The following ETV1 variants were observed in gnomAD, a reference collection of about 807,000 sequenced individuals.
The protein encoded by ETV1 is ETS variant transcription factor 1.
ETV1 carries 27 observed loss-of-function variants against 62.3 expected under a neutral mutation model. That is an observed-to-expected ratio of 0.43 (90% CI 0.32 to 0.60). The LOEUF (loss-of-function observed/expected upper bound fraction) is 0.60. Ranked by LOEUF, ETV1 falls within the 20% of genes least tolerant of loss-of-function variation. ETV1 has a pLI of 0.06. For missense variants in ETV1, 605 were observed against 605.8 expected (o/e 1.00, Z 0.01); for synonymous variants, 222 against 199.6 (o/e 1.11, Z -0.94).
intron 9 of ETV1, 112 bp from the exon 10 acceptor site, chr7:13,911,419 G>C: frequency 1.4e-6 from 1 of 690,776 alleles, no homozygotes; most frequent in Non-Finnish European, 2.6e-6. Context: ...GTTCCAATGT[G>C]GGGAACATGT....
intron 8 of ETV1, among the ~76,000 whole-genome samples, chr7:13,934,410 C>T (rs1376930790): frequency 6.6e-6 from 1 of 152,210 alleles, no homozygotes; most frequent in African/African-American, 2.4e-5. Context: ...ATAAAAAGCA[C>T]ATTTGAGTGC....
intron 5 of ETV1, chr7:13,986,315 A>C (rs943760622): frequency 8.7e-6 from 13 of 1,502,774 alleles, no homozygotes; most frequent in Admixed American, 2.8e-5. Context: ...CTGGAGGTAC[A>C]ATAATATAAA....
At chr7:13,903,460 C>G (rs190683424) in intron 12 of ETV1, among the ~76,000 whole-genome samples, 62 of 152,098 alleles carry the variant, frequency 4.1e-4, no homozygotes, top group Admixed American at 3.1e-3. Context: ...AGACGACTTT[C>G]TATGTTAATA....
intron 5 of ETV1, among the ~76,000 whole-genome samples, chr7:13,979,260 T>C (rs1781749855): frequency 6.6e-6 from 1 of 152,040 alleles, no homozygotes; most frequent in African/African-American, 2.4e-5. Context: ...ACTCAAGAAA[T>C]GTTCCTTATT....
chr7:13,935,243 C>CA (rs1786671232), intron 8 of ETV1, among the ~76,000 whole-genome samples: 1 of 152,068 alleles, frequency 6.6e-6, no homozygotes, highest in Non-Finnish European at 1.5e-5. Flanking sequence ...AAAAGATGGT[C>CA]AACAGTTTTA....
At chr7:13,940,509 AAAT>A (rs1409939415) in intron 6 of ETV1, among the ~76,000 whole-genome samples, 5 of 152,184 alleles carry the variant, frequency 3.3e-5, no homozygotes, top group Non-Finnish European at 7.3e-5. Flanking sequence ...AAAAAGGAAA[AAAT>A]AATCATAAGA....
chr7:13,935,161 T>C (rs116276906), intron 8 of ETV1, among the ~76,000 whole-genome samples: 132 of 152,324 alleles, frequency 8.7e-4, no homozygotes, highest in African/African-American at 3.1e-3. Flanking sequence ...TAATTGAGTC[T>C]CTATCTCTTT....
chr7:13,954,003 A>G (rs926681146), intron 6 of ETV1, among the ~76,000 whole-genome samples: 10 of 152,186 alleles, frequency 6.6e-5, no homozygotes, highest in African/African-American at 2.4e-4. Context: ...TACATTAGTT[A>G]TTTTATCAAT....
chr7:13,897,505 T>C (rs1781969086), intron 13 of ETV1, among the ~76,000 whole-genome samples: 1 of 152,166 alleles, frequency 6.6e-6, no homozygotes, highest in African/African-American at 2.4e-5. Context: ...AATGAACATT[T>C]AGTAGTTTTT....
chr7:13,935,699 G>A lies in ETV1; in HGVS notation c.554+9C>T, dbSNP rs1415629058. On this transcript the variant is annotated intron_variant, in intron 8 of 13. Coordinates refer to ENST00000430479, the MANE Select transcript of ETV1 (RefSeq NM_004956.5). ...AACAGTTTCTAGAAAACTGGTATCT[G>A]CAGGTTACCTGTGGTCCATGGGGTA... 16 of 1,610,420 alleles carry A rather than the reference G, an allele frequency of 9.9e-6. No homozygotes were observed. Among genetic ancestry groups the A allele is most frequent in the South Asian group, 1.1e-5 (1 of 90,704 alleles).
chr7:13,901,005 CT>C (rs71974939), intron 12 of ETV1, among the ~76,000 whole-genome samples, 166 bp from the exon 13 acceptor site: 92,650 of 132,126 alleles, frequency 0.7, 31,424 homozygotes, highest in African/African-American at 0.81. Context: ...TCCTGGTTTG[CT>C]TTTTTTTTTT....
In ETV1 at chr7:13,980,645, G is replaced by GT. The variant is rs144397193; in HGVS notation, c.182-3166dup. On this transcript the variant is annotated intron_variant, in intron 5 of 13. Transcript: ENST00000430479. ...GAGATTAAGCATGTGGATTTTATTG[G>GT]TAATAGCTGGAGCGGCTCTATCAGT... Among the ~76,000 whole-genome samples, 397 of 152,202 alleles carry GT rather than the reference G, an allele frequency of 2.6e-3. 2 individuals carry two copies. The highest frequency in any genetic ancestry group is 8.8e-3 in the African/African-American group (366 of 41,556).
intron 6 of ETV1, among the ~76,000 whole-genome samples, chr7:13,969,248 G>C (rs1045928377): frequency 6.6e-6 from 1 of 152,116 alleles, no homozygotes; most frequent in Non-Finnish European, 1.5e-5. Context: ...AGCTAAAATA[G>C]AGAATAATCT....
rs1401494582 is a variant in ETV1 at position 13,935,786 on chromosome 7, G to A, written c.476C>T (p.Pro159Leu). 5.6e-6 allele frequency: 9 copies of A among 1,613,774 alleles called. No individual in the cohort carries two copies. The highest frequency in any genetic ancestry group is 5.1e-6 in the Non-Finnish European group (6 of 1,179,884). Reference protein sequence around the residue: ...HHASPNSTHTPKPDRAFPAHL... With the variant: ...HHASPNSTHTLKPDRAFPAHL... ...AGCTGGGAAGGCCCGGTCAGGTTTC[G>A]GTGTATGAGTTGAGTTTGGAGATGC... is the stretch of plus-strand genomic sequence containing the variant. Residue 159 changes from proline (P) to leucine (L), a missense_variant, in exon 8 of 14, where the codon CCG becomes CTG. Pro to Leu is a moderately conservative substitution (Grantham distance 98). This residue lies in a region of ETV1 where 426 missense variants were observed against 377.8 expected (regional missense o/e 1.13). Coordinates refer to ENST00000430479, the MANE Select transcript of ETV1 (RefSeq NM_004956.5).
intron 6 of ETV1, among the ~76,000 whole-genome samples, chr7:13,968,545 T>C (rs1295921270): frequency 6.6e-6 from 1 of 151,224 alleles, no homozygotes; most frequent in Non-Finnish European, 1.5e-5. Flanking sequence ...CCAATACTTA[T>C]ATTCCGTATA....
chr7:13,929,055 C>T (rs1785776200), intron 9 of ETV1, among the ~76,000 whole-genome samples: 2 of 152,132 alleles, frequency 1.3e-5, no homozygotes, highest in Admixed American at 6.5e-5. Context: ...ATATGATTTC[C>T]ACATAAAGTT....
At chr7:13,906,358 A>T in intron 12 of ETV1, 72 bp downstream of exon 12, 1 of 1,016,232 alleles carries the variant, frequency 9.8e-7, no homozygotes, top group Non-Finnish European at 1.4e-6. Flanking sequence ...TTTTTGGTAT[A>T]TTAATCAAAT....
chr7:13,964,101 C>T (rs1290588139), intron 6 of ETV1, among the ~76,000 whole-genome samples: 2 of 152,168 alleles, frequency 1.3e-5, no homozygotes, highest in Non-Finnish European at 2.9e-5. Flanking sequence ...CATCACCTGA[C>T]ATTCTGGCCC....
chr7:13,959,454 T>G (rs556299076), intron 6 of ETV1, among the ~76,000 whole-genome samples: 1 of 152,346 alleles, frequency 6.6e-6, no homozygotes, highest in East Asian at 1.9e-4. Context: ...GTTTTTTAAA[T>G]ATTTTCATGC....
Sources: allele counts gnomAD v4.1 joint callset (sites outside exome capture counted in the v4.1 genomes callset), GRCh38; gene constraint gnomAD v4.1.1; regional missense constraint gnomAD v4.1.1; transcripts MANE v1.5; gene names NCBI Gene and HGNC (gene_info 2026-07-23, HGNC 2026-07-21).